The following VTI1A variants were observed in gnomAD, a reference collection of about 807,000 sequenced individuals.
The protein encoded by VTI1A is vesicle transport through interaction with t-SNAREs homolog 1A.
A neutral mutation model predicts 34.9 loss-of-function variants in VTI1A; 22 were observed. The ratio of observed to expected loss-of-function variants is 0.63; its 90% CI spans 0.45 to 0.90. The LOEUF (loss-of-function observed/expected upper bound fraction) is 0.90. Ranked by LOEUF, VTI1A falls within the 40% of genes least tolerant of loss-of-function variation. The pLI, the probability that VTI1A is intolerant of heterozygous loss-of-function variation, is 0.00. For missense variants in VTI1A, 268 were observed against 275.6 expected, an observed-to-expected ratio of 0.97 and a Z score of 0.20; for synonymous variants, 87 against 97.3, an observed-to-expected ratio of 0.89 and a Z score of 0.62.
intron 7 of VTI1A, among the ~76,000 whole-genome samples, chr10:112,674,155 C>G (rs1170095052): frequency 2.0e-5 from 3 of 152,050 alleles, no homozygotes; most frequent in Non-Finnish European, 2.9e-5. Context: ...TTTCTTTTCT[C>G]TGTTCTCTCA....
At chr10:112,527,370 G>T in intron 4 of VTI1A, 2 of 395,186 alleles carry the variant, frequency 5.1e-6, no homozygotes, top group East Asian at 4.0e-5. Context: ...ATCACTGTCT[G>T]CTATCTTTTA....
Position 112,687,219 on chromosome 10 carries a change from C to CTTTTTTT in VTI1A, c.560+18247_560+18253dup, listed in dbSNP as rs71303594. On this transcript the variant is annotated intron_variant, in intron 7 of 7. Transcript: ENST00000393077. ...CAAAACAGGCCTAGGCATACTACAA[C>CTTTTTTT]TTTTTTTTTTTTTTTTTTTTTTTTT... 1.1e-4 allele frequency among the ~76,000 whole-genome samples: 9 copies of CTTTTTTT among 84,606 alleles called. 1 individual carries two copies. The highest frequency in any genetic ancestry group is 1.7e-4 in the Non-Finnish European group (8 of 45,792). 55.5% of individuals were successfully genotyped at this position (84,606 alleles called of 152,430 possible).
intron 5 of VTI1A, among the ~76,000 whole-genome samples, chr10:112,656,082 T>C (rs1183424489): frequency 6.6e-6 from 1 of 151,098 alleles, no homozygotes; most frequent in African/African-American, 2.5e-5. Flanking sequence ...TTTGTCAAGT[T>C]TCTGTTGTCA....
intron 7 of VTI1A, among the ~76,000 whole-genome samples, chr10:112,730,517 C>T (rs1850211908): frequency 6.6e-6 from 1 of 152,092 alleles, no homozygotes; most frequent in South Asian, 2.1e-4. Flanking sequence ...ACATGGAGTC[C>T]CTTTGACAGG....
At chr10:112,546,694 A>T (rs1851143337) in intron 5 of VTI1A, among the ~76,000 whole-genome samples, 1 of 152,134 alleles carries the variant, frequency 6.6e-6, no homozygotes, top group Non-Finnish European at 1.5e-5. Context: ...AAAAAGAGGC[A>T]TATTCATCAC....
At position 112,746,934 on chromosome 10, in the gene VTI1A, A is replaced by G. The variant is rs1054714472; in HGVS notation, c.561-68356A>G. 1.9e-4 allele frequency among the ~76,000 whole-genome samples: 29 copies of G among 152,214 alleles called. 1 individual carries two copies. The highest frequency in any genetic ancestry group is 5.9e-5 in the Non-Finnish European group (4 of 68,030). On this transcript the variant is annotated intron_variant, in intron 7 of 7. Coordinates refer to ENST00000393077, the MANE Select transcript of VTI1A (RefSeq NM_145206.4). Reference sequence around the variant, plus strand: ...TGGGCCAAGAATGTTTACAGTCCTTATCTCATTTAATCCTCACAAGAACCC... The same window carrying G: ...TGGGCCAAGAATGTTTACAGTCCTTGTCTCATTTAATCCTCACAAGAACCC...
At chr10:112,660,479 C>T (rs960999291) in intron 5 of VTI1A, among the ~76,000 whole-genome samples, 3 of 152,082 alleles carry the variant, frequency 2.0e-5, no homozygotes, top group African/African-American at 7.2e-5. Context: ...GAAACTGAGG[C>T]CCAGAGAAAG....
chr10:112,539,521 C>T (rs1850780573), intron 5 of VTI1A, among the ~76,000 whole-genome samples: 1 of 152,150 alleles, frequency 6.6e-6, no homozygotes, highest in Admixed American at 6.5e-5. Context: ...TGGCTTTCTG[C>T]CCGGATTGGA....
At chr10:112,665,253 G>A (rs1847601246) in intron 5 of VTI1A, among the ~76,000 whole-genome samples, 1 of 150,444 alleles carries the variant, frequency 6.6e-6, no homozygotes, top group African/African-American at 2.4e-5. Flanking sequence ...CCTCTAATTT[G>A]TTGTCTTGTT....
chr10:112,731,331 TG>T (rs751957484), intron 7 of VTI1A, among the ~76,000 whole-genome samples: 33 of 152,202 alleles, frequency 2.2e-4, no homozygotes, highest in Non-Finnish European at 4.1e-4. Flanking sequence ...CCCAAGACTT[TG>T]GGAGGCCAAG....
chr10:112,743,020 G>C (rs1425207525), intron 7 of VTI1A, among the ~76,000 whole-genome samples: 1 of 131,240 alleles, frequency 7.6e-6, no homozygotes, highest in African/African-American at 3.0e-5. Flanking sequence ...TCTCGTGTGT[G>C]TGTGTGTGTG....
intron 1 of VTI1A, chr10:112,450,861 C>T (rs1297921309): frequency 9.9e-5 from 15 of 152,140 alleles, no homozygotes; most frequent in Admixed American, 9.8e-4. Flanking sequence ...AAGGGATGAG[C>T]AGAAACTATA....
At chr10:112,640,949 C>T (rs533032816) in intron 5 of VTI1A, among the ~76,000 whole-genome samples, 150 of 152,318 alleles carry the variant, frequency 9.8e-4, no homozygotes, top group African/African-American at 3.3e-3. Flanking sequence ...CTATTTATAT[C>T]TCAGTTTCTA....
At chr10:112,819,985 G>A (rs1590215011), downstream of VTI1A, among the ~76,000 whole-genome samples, 1 of 152,162 alleles carries the variant, frequency 6.6e-6, no homozygotes, top group South Asian at 2.1e-4. Flanking sequence ...GATGGTGCAC[G>A]TTCCTTGCTC....
the VTI1A span, among the ~76,000 whole-genome samples, chr10:112,845,875 G>A: frequency 0.016 from 2,441 of 152,156 alleles, 30 homozygotes; most frequent in South Asian, 0.03. Context: ...AAAATTAGCC[G>A]GGCGTGGTGG....
rs1394728856 is a variant in VTI1A at position 112,815,588 on chromosome 10, T to C, written c.*205T>C. ...GTTGGTTTCCTTTTCGAGGTTTGTC[T>C]TCACCCAGATTCGTTTTTTAGAGGG... On this transcript the variant is annotated 3_prime_UTR_variant, in exon 8 of 8. Coordinates refer to ENST00000393077, the MANE Select transcript of VTI1A (RefSeq NM_145206.4). The C allele has an allele frequency of 1.8e-6, 1 of 569,318 alleles. No homozygotes were observed. The highest frequency in any genetic ancestry group is 3.1e-6 in the Non-Finnish European group (1 of 317,920). The allele number at this position is 569,318 out of a possible 1,614,324, so 35.3% of individuals were successfully genotyped here. A position where few individuals can be genotyped will look rare whatever the true frequency, so the allele number is the denominator to read the frequency against.
intron 5 of VTI1A, among the ~76,000 whole-genome samples, chr10:112,595,377 C>T (rs1474885961): frequency 2.0e-5 from 3 of 150,402 alleles, no homozygotes; most frequent in African/African-American, 7.3e-5. Context: ...AACAGGCAAC[C>T]TACAAAATGG....
intron 2 of VTI1A, among the ~76,000 whole-genome samples, chr10:112,461,422 T>C (rs151189145): frequency 3.9e-5 from 6 of 152,312 alleles, no homozygotes; most frequent in Non-Finnish European, 8.8e-5. Flanking sequence ...GGCCAAGTGA[T>C]TCTCAACACT....
At chr10:112,830,834 TATATATATA>T in the VTI1A span, among the ~76,000 whole-genome samples, 1 of 47,172 alleles carries the variant, frequency 2.1e-5, no homozygotes, top group Non-Finnish European at 4.3e-5. Flanking sequence ...TATATATATA[TATATATATA>T]TATATATTTT....
Sources: gnomAD v4.1 joint callset for allele counts (sites outside exome capture counted in the v4.1 genomes callset) on GRCh38, gnomAD v4.1.1 for gene constraint, MANE v1.5 for transcripts, NCBI Gene and HGNC (gene_info 2026-07-23, HGNC 2026-07-21) for gene names.